RALYL: variants seen among roughly 807,000 people sequenced by gnomAD.
RALYL encodes the protein RALY RNA binding protein like, also known as RNA-binding Raly-like protein.
RALYL carries 29 observed loss-of-function variants against 35.1 expected under a neutral mutation model. That is an observed-to-expected ratio of 0.83 (90% CI 0.61 to 1.13). RALYL has a LOEUF of 1.13. RALYL is among the 50% of genes most tolerant of loss of function. The pLI is 0.00. For synonymous variants in RALYL, 120 were observed against 127.6 expected (o/e 0.94, Z 0.40); for missense variants, 359 against 360.4 (o/e 1.00, Z 0.03).
In RALYL at chr8:84,471,805, A is replaced by G. The variant is rs879357034; in HGVS notation, c.-23-57494A>G. ...GGCAATACTAATAAAACATTTCCCA[A>G]TGGATTTTGTGAGCAGGAAATAAGT... On this transcript the variant is annotated intron_variant, in intron 1 of 8. Coordinates refer to ENST00000521268, the MANE Select transcript of RALYL (RefSeq NM_173848.7). 5.3e-5 allele frequency among the ~76,000 whole-genome samples: 8 copies of G among 152,324 alleles called. No homozygotes were observed. In the East Asian group the frequency reaches 5.8e-4, roughly 11 times the overall value.
At chr8:84,576,147 C>G (rs912073770) in intron 2 of RALYL, among the ~76,000 whole-genome samples, 3 of 151,930 alleles carry the variant, frequency 2.0e-5, no homozygotes, top group Non-Finnish European at 2.9e-5. Context: ...TTTCTTCAAG[C>G]GTTTACTTGC....
chr8:84,617,275 T>G (rs150716166), intron 2 of RALYL, among the ~76,000 whole-genome samples: 12,344 of 151,684 alleles, frequency 0.081, 1,482 homozygotes, highest in African/African-American at 0.24. Flanking sequence ...CCTTGAGCAG[T>G]GGATTGTAGT....
intron 2 of RALYL, among the ~76,000 whole-genome samples, chr8:84,705,340 C>A (rs1841009133): frequency 6.6e-6 from 1 of 152,110 alleles, no homozygotes; most frequent in African/African-American, 2.4e-5. Context: ...AGGCTTCTTG[C>A]AAGCAGGAGC....
intron 4 of RALYL, among the ~76,000 whole-genome samples, chr8:84,845,226 C>T (rs1325873959): frequency 1.3e-5 from 2 of 152,188 alleles, no homozygotes; most frequent in African/African-American, 2.4e-5. Flanking sequence ...TGATTGTCCC[C>T]TCAATCAATA....
intron 1 of RALYL, among the ~76,000 whole-genome samples, chr8:84,353,274 G>A (rs904327290): frequency 1.3e-5 from 2 of 149,866 alleles, no homozygotes; most frequent in Admixed American, 6.6e-5. Context: ...TACTCCCATC[G>A]TTTAGCCCAC....
chr8:84,363,236 C>T (rs1853467603), intron 1 of RALYL, among the ~76,000 whole-genome samples: 1 of 152,188 alleles, frequency 6.6e-6, no homozygotes, highest in Non-Finnish European at 1.5e-5. Context: ...ATGTCTGTGT[C>T]TCATTTCTTC....
chr8:84,234,084 G>A (rs1368835809), intron 1 of RALYL, among the ~76,000 whole-genome samples: 1 of 151,960 alleles, frequency 6.6e-6, no homozygotes, highest in African/African-American at 2.4e-5. Context: ...TCTCTCTGTG[G>A]AATGAAGTAT....
intron 1 of RALYL, chr8:84,185,043 AC>A (rs755563589): frequency 8.7e-6 from 14 of 1,612,752 alleles, no homozygotes; most frequent in Non-Finnish European, 1.2e-5. Context: ...ATTTTGCTTT[AC>A]CAAAGGGCTT....
chr8:84,492,368 C>T (rs1348065658), intron 1 of RALYL, among the ~76,000 whole-genome samples: 2 of 152,006 alleles, frequency 1.3e-5, no homozygotes, highest in African/African-American at 4.8e-5. Flanking sequence ...GATTTGATTA[C>T]AAAACATTTT....
chr8:84,816,824 C>T (rs1216731114), intron 4 of RALYL, among the ~76,000 whole-genome samples: 1 of 151,844 alleles, frequency 6.6e-6, no homozygotes, highest in Non-Finnish European at 1.5e-5. Context: ...CCGCATTCTC[C>T]CTGATGTGAT....
intron 1 of RALYL, among the ~76,000 whole-genome samples, chr8:84,211,509 T>C (rs746120731): frequency 6.6e-6 from 1 of 152,142 alleles, no homozygotes; most frequent in Non-Finnish European, 1.5e-5. Context: ...CCTCCCATAA[T>C]ATTTTTTATC....
chr8:84,746,358 G>C (rs754842312), intron 2 of RALYL, among the ~76,000 whole-genome samples: 1 of 151,920 alleles, frequency 6.6e-6, no homozygotes, highest in Non-Finnish European at 1.5e-5. Flanking sequence ...TGAAATTTTA[G>C]TAATGTTTAA....
intron 2 of RALYL, among the ~76,000 whole-genome samples, chr8:84,739,459 A>G (rs1261851130): frequency 2.0e-5 from 3 of 151,942 alleles, no homozygotes; most frequent in African/African-American, 7.2e-5. Flanking sequence ...GAAAGATATG[A>G]ATTAGAATTG....
chr8:84,610,300 T>C (rs1215626833), intron 2 of RALYL, among the ~76,000 whole-genome samples: 1 of 152,126 alleles, frequency 6.6e-6, no homozygotes, highest in Non-Finnish European at 1.5e-5. Flanking sequence ...TTTTTGATGA[T>C]AGTTTTGAGG....
At chr8:84,725,552 T>C (rs1343392708) in intron 2 of RALYL, among the ~76,000 whole-genome samples, 2 of 151,782 alleles carry the variant, frequency 1.3e-5, no homozygotes, top group African/African-American at 4.8e-5. Flanking sequence ...AGAAGAATGA[T>C]GTTTTGTGAG....
intron 1 of RALYL, among the ~76,000 whole-genome samples, chr8:84,210,228 GTA>G (rs936191852): frequency 1.3e-5 from 2 of 151,598 alleles, no homozygotes; most frequent in African/African-American, 4.8e-5. Context: ...GTGTGTATGT[GTA>G]TATATATATG....
intron 1 of RALYL, among the ~76,000 whole-genome samples, chr8:84,464,161 T>C (rs1396177115): frequency 6.6e-6 from 1 of 151,172 alleles, no homozygotes; most frequent in African/African-American, 2.4e-5. Flanking sequence ...TTTATTATAC[T>C]TTAAGTTTTA....
intron 8 of RALYL, among the ~76,000 whole-genome samples, chr8:84,909,259 G>A (rs1268018694): frequency 6.6e-6 from 1 of 152,154 alleles, no homozygotes; most frequent in Admixed American, 6.5e-5. Flanking sequence ...CAAGTTGATT[G>A]TAGAGAAGCT....
At chr8:84,918,631 G>A (rs893769091) in intron 8 of RALYL, among the ~76,000 whole-genome samples, 3 of 152,218 alleles carry the variant, frequency 2.0e-5, no homozygotes, top group East Asian at 3.9e-4. Context: ...AAAGCAATAT[G>A]AATGTCATAG....
Sources: allele counts gnomAD v4.1 joint callset (sites outside exome capture counted in the v4.1 genomes callset), GRCh38; gene constraint gnomAD v4.1.1; transcripts MANE v1.5; gene names NCBI Gene and HGNC (gene_info 2026-07-23, HGNC 2026-07-21).